CD34: variants seen among roughly 807,000 people sequenced by gnomAD.
CD34 encodes the protein CD34 molecule, also known as hematopoietic progenitor cell antigen CD34.
In CD34, 34 loss-of-function variants were observed where a neutral mutation model predicts 40.1. That is an observed-to-expected ratio of 0.85 (90% CI 0.65 to 1.13). The LOEUF (loss-of-function observed/expected upper bound fraction) is 1.13, where lower values mean the gene tolerates loss of function less well. Among genes scored for constraint, CD34 ranks in the 50% most tolerant of loss-of-function variants. CD34 has a pLI of 0.00. For synonymous variants in CD34, 209 were observed against 190.0 expected, an observed-to-expected ratio of 1.10 and a Z score of -0.82; for missense variants, 426 against 466.9, an observed-to-expected ratio of 0.91 and a Z score of 0.81.
intron 1 of CD34, among the ~76,000 whole-genome samples, chr1:207,906,916 A>T (rs1002131302): frequency 2.6e-5 from 4 of 152,046 alleles, no homozygotes; most frequent in African/African-American, 4.8e-5. Flanking sequence ...GTGGAACCCT[A>T]ATTATTTTGA....
intron 4 of CD34, among the ~76,000 whole-genome samples, chr1:207,892,397 G>A (rs765585424): frequency 4.6e-5 from 7 of 152,122 alleles, no homozygotes; most frequent in Non-Finnish European, 7.3e-5. Flanking sequence ...GGCCAAAATG[G>A]TGAAACTTTG....
At chr1:207,889,683 C>A in intron 4 of CD34, 62 bp from the exon 5 acceptor site, 1 of 1,608,962 alleles carries the variant, frequency 6.2e-7, no homozygotes, top group Non-Finnish European at 8.5e-7. Context: ...CTAAACTGCA[C>A]CCAGAGTCTC....
chr1:207,897,034 TA>T (rs1345948702), intron 4 of CD34, among the ~76,000 whole-genome samples: 1 of 151,968 alleles, frequency 6.6e-6, no homozygotes, highest in East Asian at 1.9e-4. Flanking sequence ...TACAGCAAAA[TA>T]AATTCTATAT....
intron 4 of CD34, chr1:207,890,123 A>C: frequency 9.0e-7 from 1 of 1,112,952 alleles, no homozygotes; most frequent in South Asian, 3.2e-5. Flanking sequence ...GAGTCTCAAA[A>C]AGTGCATTGC....
At position 207,897,521 on chromosome 1, in the gene CD34, C is replaced by T; in HGVS notation, c.569G>A (p.Cys190Tyr). ...GCTGGAGGTCTTATTTTGCTCCAGG[C>T]AGATGCCCTGAGTCAATTTCACTTC... ...IREVKLTQGI[C>Y]LEQNKTSSCA... is the part of the protein sequence containing the mutation. The change falls in exon 4 of 8, where the codon TGC (cysteine) becomes TAC (tyrosine). Residue 190 changes from cysteine (C) to tyrosine (Y), a missense_variant. By Grantham distance (194) the Cys-to-Tyr change is radical. Transcript: ENST00000310833. 1 of 1,560,206 alleles carries T rather than the reference C, an allele frequency of 6.4e-7. No homozygotes were observed. Among genetic ancestry groups the T allele is most frequent in the African/African-American group, 1.4e-5 (1 of 73,674 alleles).
At chr1:207,889,074 TG>T in intron 6 of CD34, 86 bp downstream of exon 6, 1 of 944,258 alleles carries the variant, frequency 1.1e-6, no homozygotes, top group Non-Finnish European at 1.7e-6. Context: ...TAGGTAGAAC[TG>T]GGGAAGATAA....
At chr1:207,901,665 G>A (rs933749630) in intron 1 of CD34, among the ~76,000 whole-genome samples, 7 of 152,244 alleles carry the variant, frequency 4.6e-5, no homozygotes, top group African/African-American at 1.7e-4. Flanking sequence ...AGGTGATCAC[G>A]AAGATATGTT....
At chr1:207,896,610 G>T (rs1314479426) in intron 4 of CD34, among the ~76,000 whole-genome samples, 2 of 151,978 alleles carry the variant, frequency 1.3e-5, no homozygotes, top group Admixed American at 1.3e-4. Context: ...GTGACAAATA[G>T]GCCTATGACA....
At chr1:207,908,161 C>A (rs140281314) in intron 1 of CD34, among the ~76,000 whole-genome samples, 3 of 152,338 alleles carry the variant, frequency 2.0e-5, no homozygotes, top group Admixed American at 2.0e-4. Flanking sequence ...TGCAGTTTGG[C>A]ACTTCTTGCC....
intron 4 of CD34, among the ~76,000 whole-genome samples, chr1:207,896,787 TA>T (rs1270346874): frequency 6.6e-6 from 1 of 151,788 alleles, no homozygotes; most frequent in Non-Finnish European, 1.5e-5. Context: ...TACAGTGTAA[TA>T]AAAAAAGATC....
chr1:207,893,953 AC>A (rs1662087445), intron 4 of CD34, among the ~76,000 whole-genome samples: 1 of 152,040 alleles, frequency 6.6e-6, no homozygotes. Context: ...AGAAATTGGA[AC>A]CCTTGTACCC....
intron 2 of CD34, among the ~76,000 whole-genome samples, chr1:207,899,565 T>C (rs1484854864): frequency 6.6e-6 from 1 of 152,096 alleles, no homozygotes; most frequent in Non-Finnish European, 1.5e-5. Context: ...TAAGCTAGAC[T>C]CAGCATGAGA....
At chr1:207,903,590 G>C (rs1662321095) in intron 1 of CD34, among the ~76,000 whole-genome samples, 2 of 152,234 alleles carry the variant, frequency 1.3e-5, no homozygotes, top group South Asian at 4.1e-4. Flanking sequence ...CAAGGGAGGA[G>C]ACAAGGTCTC....
chr1:207,885,672 C>T lies in CD34; in HGVS notation c.*2066G>A, dbSNP rs1661884745. The T allele has an allele frequency of 6.6e-6, 1 of 152,056 alleles. No individual in the cohort carries two copies. The highest frequency in any genetic ancestry group is 1.5e-5 in the Non-Finnish European group (1 of 68,058). The allele number at this position is 152,056 out of a possible 1,614,324, so 9.4% of individuals were successfully genotyped here. On this transcript the variant is annotated 3_prime_UTR_variant, in exon 8 of 8. Coordinates refer to ENST00000310833, the MANE Select transcript of CD34 (RefSeq NM_001025109.2). ...TTGCTCATCATCCTTTGCTCCAACCCTCAAGGCAGCCATCGCCTTTGAGGG... is the reference window on the plus strand; with the variant it reads ...TTGCTCATCATCCTTTGCTCCAACCTTCAAGGCAGCCATCGCCTTTGAGGG...
intron 6 of CD34, 32 bp downstream of exon 6, chr1:207,889,129 C>A (rs372822762): frequency 5.6e-5 from 74 of 1,333,154 alleles, no homozygotes; most frequent in Non-Finnish European, 7.8e-5. Context: ...CCCCGGCATT[C>A]CCTCTCAGGC....
At chr1:207,906,324 G>A (rs1199913335) in intron 1 of CD34, among the ~76,000 whole-genome samples, 1 of 152,216 alleles carries the variant, frequency 6.6e-6, no homozygotes, top group African/African-American at 2.4e-5. Context: ...CACTTTGGGA[G>A]ACAAGTGATC....
rs1661967458 is a variant in CD34 at position 207,888,860 on chromosome 1, CAA to C, written c.808-16_808-15del. On this transcript the variant is annotated splice_polypyrimidine_tract_variant and intron_variant, in intron 6 of 7. Transcript: ENST00000310833. ...TAGGATCCCCAGCTTGAAAAGAAGA[CAA>C]AGAAGATACAGCCTGTCACTTGCCA... is the stretch of plus-strand genomic sequence containing the variant. 2 of 1,613,502 alleles carry C rather than the reference CAA, an allele frequency of 1.2e-6. No individual in the cohort carries two copies. Among genetic ancestry groups the C allele is most frequent in the South Asian group, 2.2e-5 (2 of 91,024 alleles).
At chr1:207,895,170 C>T (rs570463052) in intron 4 of CD34, among the ~76,000 whole-genome samples, 7 of 152,158 alleles carry the variant, frequency 4.6e-5, no homozygotes, top group African/African-American at 1.2e-4. Flanking sequence ...CTGCAGCATT[C>T]GCAGCTTTTG....
Position 207,884,574 on chromosome 1 carries a change from T to C in CD34, c.*3164A>G, listed in dbSNP as rs969251030. 6.6e-6 allele frequency: 1 copy of C among 152,224 alleles called. No homozygotes were observed. The highest frequency in any genetic ancestry group is 2.4e-5 in the African/African-American group (1 of 41,454). 9.4% of individuals were successfully genotyped at this position (152,224 alleles called of 1,614,324 possible). A position where few individuals can be genotyped will look rare whatever the true frequency, so the allele number is the denominator to read the frequency against. ...TTGCACAAAATCGATGACCTATTAC[T>C]GGTTTTGTGTGAAGAGGAAGTGTGG... On this transcript the variant is annotated 3_prime_UTR_variant, in exon 8 of 8. Transcript: ENST00000310833.
Sources: gnomAD v4.1 joint callset for allele counts (sites outside exome capture counted in the v4.1 genomes callset) on GRCh38, gnomAD v4.1.1 for gene constraint, MANE v1.5 for transcripts, NCBI Gene and HGNC (gene_info 2026-07-23, HGNC 2026-07-21) for gene names.